CNGA2: variants seen among roughly 807,000 people sequenced by gnomAD.
CNGA2 encodes cyclic nucleotide-gated channel alpha-2.
A neutral mutation model predicts 35.9 loss-of-function variants in CNGA2; 22 were observed. The observed-to-expected ratio is 0.61, with a 90% CI of 0.44 to 0.88. The LOEUF (loss-of-function observed/expected upper bound fraction) is 0.88, where lower values mean the gene tolerates loss of function less well. CNGA2 is among the 40% of genes least tolerant of loss of function. The pLI is 0.00. For missense variants in CNGA2, 555 were observed against 530.8 expected, an observed-to-expected ratio of 1.05 and a Z score of -0.45; for synonymous variants, 217 against 209.2, an observed-to-expected ratio of 1.04 and a Z score of -0.32.
chrX:151,741,109 T>C (rs1199456049), intron 5 of CNGA2, among the ~76,000 whole-genome samples: 3 of 112,147 alleles, frequency 2.7e-5, no homozygotes, highest in African/African-American at 9.8e-5. Context: ...GGGTGCATCC[T>C]CCACATTTGC....
chrX:151,743,717 T>C lies in CNGA2; in HGVS notation c.1214T>C (p.Met405Thr). The C allele has an allele frequency of 3.3e-6, 4 of 1,211,677 alleles. No homozygotes were observed. The highest frequency in any genetic ancestry group is 4.5e-6 in the Non-Finnish European group (4 of 895,569). ...CAGTTCCGAAAGGTCAGCAAGGGGA[T>C]GGAAGCCAAGGTCATTAGGTGGTTT... is the stretch of plus-strand genomic sequence containing the variant. ...YMQFRKVSKG[M>T]EAKVIRWFDY... is the part of the protein sequence containing the mutation. Residue 405 changes from methionine to threonine, a missense_variant, in exon 7 of 7, where the codon ATG becomes ACG. By Grantham distance (81) the Met-to-Thr change is moderately conservative. Transcript: ENST00000329903.
chrX:151,743,930 G>T lies in CNGA2; in HGVS notation c.1427G>T (p.Ser476Ile), dbSNP rs770177138. 1 of 1,211,381 alleles carries T rather than the reference G, an allele frequency of 8.3e-7. No individual in the cohort carries two copies. The highest frequency in any genetic ancestry group is 1.1e-6 in the Non-Finnish European group (1 of 895,466). The change falls in exon 7 of 7, where the codon AGT becomes ATT. Residue 476 changes from serine (S) to isoleucine (I), a missense_variant. Ser to Ile is a moderately radical substitution (Grantham distance 142). Coordinates refer to ENST00000329903, the MANE Select transcript of CNGA2 (RefSeq NM_005140.3). ...LVLKLRPQVF[S>I]PGDYICRKGD... ...CTGAAACTCCGTCCTCAGGTCTTCA[G>T]TCCTGGGGATTACATTTGCCGCAAA... is the stretch of plus-strand genomic sequence containing the variant.
At chrX:151,742,243 G>A (rs1025488481) in intron 5 of CNGA2, among the ~76,000 whole-genome samples, 1 of 112,198 alleles carries the variant, frequency 8.9e-6, no homozygotes, top group African/African-American at 3.2e-5. Flanking sequence ...GGTCAGGCAT[G>A]GGGCATGCCG....
At position 151,743,527 on chromosome X, in the gene CNGA2, C is replaced by A; in HGVS notation, c.1024C>A (p.Pro342Thr). 1.2e-5 allele frequency: 15 copies of A among 1,210,928 alleles called. No individual in the cohort carries two copies. The highest frequency in any genetic ancestry group is 1.7e-5 in the Non-Finnish European group (15 of 895,182). The change falls in exon 7 of 7, where the codon CCA becomes ACA. Residue 342 changes from proline (P) to threonine (T), a missense_variant. Coordinates refer to ENST00000329903, the MANE Select transcript of CNGA2 (RefSeq NM_005140.3). The stretch of plus-strand genomic sequence containing the variant: ...GACTCTCACTACCATTGGGGAGACA[C>A]CACCCCCTGTAAAGGATGAGGAGTA... ...TLTLTTIGET[P>T]PPVKDEEYLF...
chrX:151,738,737 A>T, intron 2 of CNGA2, 50 bp from the exon 3 acceptor site: 1 of 1,115,262 alleles, frequency 9.0e-7, no homozygotes, highest in Non-Finnish European at 1.2e-6. Flanking sequence ...AGGAGGGGAG[A>T]CAAGTCATGC....
intron 6 of CNGA2, 65 bp from the exon 7 acceptor site, chrX:151,743,028 G>GCA (rs2015330646): frequency 3.3e-4 from 3 of 8,971 alleles, no homozygotes; most frequent in South Asian, 0.044. Context: ...GTATATATAT[G>GCA]CACATATATA....
At position 151,740,432 on chromosome X, in the gene CNGA2, C is replaced by T. The variant is rs771244561; in HGVS notation, c.375-362C>T. Among the ~76,000 whole-genome samples, 4 of 112,509 alleles carry T rather than the reference C, an allele frequency of 3.6e-5. No homozygotes were observed. In the East Asian group the frequency reaches 1.1e-3, roughly 32 times the overall value. On this transcript the variant is annotated intron_variant, in intron 4 of 6. Transcript: ENST00000329903. ...TCTAGGGAGGGATGTGGGAATAGGCCTAAGCCCCAATTATCATCCTGTGGA... is the reference window on the plus strand; with the variant it reads ...TCTAGGGAGGGATGTGGGAATAGGCTTAAGCCCCAATTATCATCCTGTGGA...
chrX:151,739,753 G>A, intron 4 of CNGA2, 21 bp downstream of exon 4: 1 of 1,203,496 alleles, frequency 8.3e-7, no homozygotes, highest in Non-Finnish European at 1.1e-6. Flanking sequence ...TCAGCCTATG[G>A]GACTCAAATG....
In CNGA2 at chrX:151,743,109, G is replaced by A. The variant is rs371630210; in HGVS notation, c.606G>A (p.Gly202=). 10 of 1,156,163 alleles carry A rather than the reference G, an allele frequency of 8.6e-6. No individual in the cohort carries two copies. Among genetic ancestry groups the A allele is most frequent in the Non-Finnish European group, 1.2e-5 (10 of 866,924 alleles). Residue 202 remains glycine, a synonymous_variant, in exon 7 of 7, where the codon GGG becomes GGA. Coordinates refer to ENST00000329903, the MANE Select transcript of CNGA2 (RefSeq NM_005140.3). Reference sequence around the variant, plus strand: ...CTCTACTAGGTTTCCTGGAGCAGGGGCTGCTGGTCAAAGATACCAAGAAAC... The same window carrying A: ...CTCTACTAGGTTTCCTGGAGCAGGGACTGCTGGTCAAAGATACCAAGAAAC... ...IRLRTGFLEQ[G]LLVKDTKKLR... is the part of the protein sequence containing the mutation.
chrX:151,734,804 AAC>A lies in CNGA2; in HGVS notation c.-162_-161del, dbSNP rs2015231589. ...GATAAACTGTTAGATGCTGCTCAGAAACACAATAGAACATGGACAGAGAAGTG... is the reference window on the plus strand; with the variant it reads ...GATAAACTGTTAGATGCTGCTCAGAAACAATAGAACATGGACAGAGAAGTG... On this transcript the variant is annotated 5_prime_UTR_variant, in exon 1 of 7. The change creates a premature stop within an existing upstream ORF in the 5' untranslated region. Transcript: ENST00000329903. Among the ~76,000 whole-genome samples, 1 of 111,674 alleles carries A rather than the reference AAC, an allele frequency of 9.0e-6. No individual in the cohort carries two copies. Among genetic ancestry groups the A allele is most frequent in the Non-Finnish European group, 1.9e-5 (1 of 53,149 alleles).
At chrX:151,739,316 T>C (rs2015279058) in intron 3 of CNGA2, among the ~76,000 whole-genome samples, 1 of 112,175 alleles carries the variant, frequency 8.9e-6, no homozygotes, top group Non-Finnish European at 1.9e-5. Context: ...GCACTTCCTA[T>C]AGGAAGTCTT....
intron 5 of CNGA2, among the ~76,000 whole-genome samples, chrX:151,741,944 T>C (rs1312918314): frequency 8.9e-6 from 1 of 111,961 alleles, no homozygotes; most frequent in Non-Finnish European, 1.9e-5. Context: ...TGGACAATCA[T>C]CCTGGGCTGT....
intron 1 of CNGA2, 104 bp from the exon 2 acceptor site, chrX:151,738,354 C>G: frequency 3.7e-6 from 2 of 541,323 alleles, no homozygotes; most frequent in South Asian, 2.9e-5. Flanking sequence ...TGAGGTTGGC[C>G]AGGTGGGCCT....
chrX:151,743,195 C>A lies in CNGA2; in HGVS notation c.692C>A (p.Thr231Asn). The A allele has an allele frequency of 3.3e-6, 4 of 1,205,367 alleles. No homozygotes were observed. Among genetic ancestry groups the A allele is most frequent in the Non-Finnish European group, 4.5e-6 (4 of 893,940 alleles). The part of the protein sequence containing the change: ...FKLDVASIIP[T>N]DLIYFAVDIH... ...CTGGATGTGGCTTCCATCATCCCCA[C>A]TGACCTGATCTATTTTGCTGTGGAC... Residue 231 changes from threonine to asparagine, a missense_variant, in exon 7 of 7, where the codon ACT becomes AAT. Transcript: ENST00000329903.
chrX:151,736,469 C>T (rs963690842), intron 1 of CNGA2, among the ~76,000 whole-genome samples: 13 of 112,019 alleles, frequency 1.2e-4, no homozygotes, highest in African/African-American at 3.9e-4. Context: ...CAAGGAGTTA[C>T]GGTTGACACC....
chrX:151,743,520 G>C lies in CNGA2; in HGVS notation c.1017G>C (p.Gly339=). 1 of 1,210,863 alleles carries C rather than the reference G, an allele frequency of 8.3e-7. No individual in the cohort carries two copies. The highest frequency in any genetic ancestry group is 1.1e-6 in the Non-Finnish European group (1 of 895,339). Residue 339 remains glycine, a synonymous_variant, in exon 7 of 7, where the codon GGG becomes GGC. Transcript: ENST00000329903. ...CCACACTGACTCTCACTACCATTGG[G>C]GAGACACCACCCCCTGTAAAGGATG... ...YWSTLTLTTI[G]ETPPPVKDEE...
Position 151,742,535 on chromosome X carries a change from G to A in CNGA2, c.483-1G>A. On this transcript the variant is annotated splice_acceptor_variant, in intron 5 of 6. Transcript: ENST00000329903. LOFTEE classifies it high-confidence loss of function. ...TGAAGCTTAGCCCTGTCCTCCCGCA[G>A]AGCCTGCTTCAGTGACCTACAGAAA... 8.3e-7 allele frequency: 1 copy of A among 1,204,829 alleles called. No individual in the cohort carries two copies.
Position 151,743,613 on chromosome X carries a change from T to C in CNGA2, c.1110T>C (p.Asn370=). The part of the protein sequence containing the change: ...GVLIFATIVG[N]VGSMISNMNA... ...TCATCTTTGCCACCATCGTGGGAAATGTGGGCTCCATGATCTCCAACATGA... is the reference window on the plus strand; with the variant it reads ...TCATCTTTGCCACCATCGTGGGAAACGTGGGCTCCATGATCTCCAACATGA... Residue 370 remains asparagine, a synonymous_variant, in exon 7 of 7, where the codon AAT becomes AAC. Coordinates refer to ENST00000329903, the MANE Select transcript of CNGA2 (RefSeq NM_005140.3). 8.3e-7 allele frequency: 1 copy of C among 1,211,455 alleles called. No individual in the cohort carries two copies. Among genetic ancestry groups the C allele is most frequent in the Admixed American group, 2.2e-5 (1 of 45,970 alleles).
Position 151,738,505 on chromosome X carries a change from GTGAAGAGCTCCCCAGCCAATAA to G in CNGA2, c.24_45del (p.Lys9ThrfsTer54). ...GAGGATGACCGAAAAAACCAATGGTGTGAAGAGCTCCCCAGCCAATAATCACAACCATCATGCACCTCCTGCC... is the reference window on the plus strand; with the variant it reads ...GAGGATGACCGAAAAAACCAATGGTGTCACAACCATCATGCACCTCCTGCC... On this transcript the variant is annotated frameshift_variant, in exon 2 of 7. Transcript: ENST00000329903. LOFTEE classifies it high-confidence loss of function. The G allele has an allele frequency of 1.7e-6, 2 of 1,211,292 alleles. No individual in the cohort carries two copies. The highest frequency in any genetic ancestry group is 2.2e-6 in the Non-Finnish European group (2 of 895,086).
Sources: allele counts gnomAD v4.1 joint callset (sites outside exome capture counted in the v4.1 genomes callset), GRCh38; gene constraint gnomAD v4.1.1; transcripts MANE v1.5; gene names NCBI Gene and HGNC (gene_info 2026-07-23, HGNC 2026-07-21).